The following WWC1 variants were observed in gnomAD, a reference collection of about 807,000 sequenced individuals.
WWC1 encodes protein KIBRA.
A neutral mutation model predicts 138.4 loss-of-function variants in WWC1; 55 were observed. That is an observed-to-expected ratio of 0.40 (90% confidence interval 0.32 to 0.50). The LOEUF (loss-of-function observed/expected upper bound fraction) is 0.50, where lower values mean the gene tolerates loss of function less well. Among genes scored for constraint, WWC1 ranks in the 20% least tolerant of loss-of-function variants. The pLI is 0.72. For missense variants in WWC1, 1,226 were observed against 1,420.4 expected (o/e 0.86, Z 2.20); for synonymous variants, 524 against 564.9 (o/e 0.93, Z 1.03).
At chr5:168,355,305 C>G (rs1775309193) in intron 1 of WWC1, among the ~76,000 whole-genome samples, 1 of 151,888 alleles carries the variant, frequency 6.6e-6, no homozygotes, top group Non-Finnish European at 1.5e-5. Flanking sequence ...ACCAGCAGAG[C>G]CAACATGTTG....
chr5:168,403,345 C>T (rs1303717657), intron 5 of WWC1, among the ~76,000 whole-genome samples: 1 of 152,092 alleles, frequency 6.6e-6, no homozygotes, highest in Non-Finnish European at 1.5e-5. Flanking sequence ...GATCTGCCCA[C>T]CTGGGCCTCC....
chr5:168,450,601 G>C (rs2152881281), intron 17 of WWC1, among the ~76,000 whole-genome samples: 1 of 152,268 alleles, frequency 6.6e-6, no homozygotes. Context: ...GGGAGGCAGA[G>C]GTTGCAGTGA....
chr5:168,405,881 C>G (rs183415630), intron 5 of WWC1, among the ~76,000 whole-genome samples: 1 of 152,224 alleles, frequency 6.6e-6, no homozygotes, highest in East Asian at 1.9e-4. Context: ...CTTGTGCCAC[C>G]ATGCCCAGCT....
At chr5:168,347,670 A>G (rs1774588510) in intron 1 of WWC1, among the ~76,000 whole-genome samples, 1 of 152,166 alleles carries the variant, frequency 6.6e-6, no homozygotes. Context: ...GAAGAAGGTG[A>G]AGAGCAATCT....
At chr5:168,350,864 G>T (rs181605905) in intron 1 of WWC1, among the ~76,000 whole-genome samples, 1 of 152,180 alleles carries the variant, frequency 6.6e-6, no homozygotes, top group Non-Finnish European at 1.5e-5. Flanking sequence ...CCCAGCTAGA[G>T]GCTGGGCGCG....
intron 4 of WWC1, among the ~76,000 whole-genome samples, chr5:168,398,183 G>A (rs949907746): frequency 2.6e-5 from 4 of 152,018 alleles, no homozygotes; most frequent in South Asian, 2.1e-4. Flanking sequence ...CGCTCACTGC[G>A]TGCTCTGCCT....
intron 17 of WWC1, among the ~76,000 whole-genome samples, chr5:168,453,638 C>T (rs965685337): frequency 3.3e-5 from 5 of 152,080 alleles, no homozygotes; most frequent in African/African-American, 1.2e-4. Context: ...CTCCACCTCC[C>T]GGGTTCAAGC....
intron 1 of WWC1, among the ~76,000 whole-genome samples, chr5:168,360,283 T>C (rs536883365): frequency 3.9e-5 from 6 of 152,328 alleles, no homozygotes; most frequent in African/African-American, 1.4e-4. Context: ...TGTGCATCTT[T>C]TGGTGAAATA....
At chr5:168,310,323 A>G (rs1196530755) in intron 1 of WWC1, among the ~76,000 whole-genome samples, 2 of 151,572 alleles carry the variant, frequency 1.3e-5, no homozygotes, top group Non-Finnish European at 2.9e-5. Context: ...TGCGTTGACC[A>G]TTTACCTTAT....
At position 168,454,357 on chromosome 5, in the gene WWC1, G is replaced by C. The variant is rs564274835; in HGVS notation, c.2658+257G>C. ...CTCAAGCCTTGCAGTCAGACGGTTTGGGTTTGAATTCTGGCTCTGATACTC... is the reference window on the plus strand; with the variant it reads ...CTCAAGCCTTGCAGTCAGACGGTTTCGGTTTGAATTCTGGCTCTGATACTC... On this transcript the variant is annotated intron_variant, in intron 18 of 22. Coordinates refer to ENST00000265293, the MANE Select transcript of WWC1 (RefSeq NM_015238.3). Among the ~76,000 whole-genome samples, 3 of 152,298 alleles carry C rather than the reference G, an allele frequency of 2.0e-5. No homozygotes were observed. In the East Asian group the frequency reaches 5.8e-4, roughly 29 times the overall value.
At chr5:168,389,450 CA>C (rs71310058) in intron 3 of WWC1, among the ~76,000 whole-genome samples, 150 of 95,002 alleles carry the variant, frequency 1.6e-3, no homozygotes, top group Admixed American at 2.0e-3. Flanking sequence ...GACTCCATCT[CA>C]AAAAAAAAAA....
In WWC1 at chr5:168,423,677, G is replaced by A. The variant is rs750858851; in HGVS notation, c.1419G>A (p.Leu473=). The part of the protein sequence containing the change: ...TDLYYDPFEQ[L]DSELQSKVEF... ...TCTACTATGACCCCTTTGAGCAGCT[G>A]GACTCAGAGCTGCAGAGCAAGGTGG... Residue 473 remains leucine (L), a synonymous_variant, in exon 11 of 23, where the codon CTG becomes CTA. Transcript: ENST00000265293. The A allele has an allele frequency of 1.7e-5, 27 of 1,614,176 alleles. No individual in the cohort carries two copies. The highest frequency in any genetic ancestry group is 2.3e-5 in the Non-Finnish European group (27 of 1,180,036).
chr5:168,394,530 A>T (rs1407006001), intron 3 of WWC1, among the ~76,000 whole-genome samples: 1 of 152,118 alleles, frequency 6.6e-6, no homozygotes, highest in Non-Finnish European at 1.5e-5. Flanking sequence ...GTTTGAGACC[A>T]GCCTGGTCAA....
At chr5:168,339,252 C>G (rs1379487586) in intron 1 of WWC1, among the ~76,000 whole-genome samples, 1 of 152,056 alleles carries the variant, frequency 6.6e-6, no homozygotes, top group Non-Finnish European at 1.5e-5. Flanking sequence ...CAGCTGGGCT[C>G]CTGGTAGAAA....
At chr5:168,399,684 T>C in intron 5 of WWC1, 117 bp downstream of exon 5, 1 of 1,007,666 alleles carries the variant, frequency 9.9e-7, no homozygotes, top group Non-Finnish European at 1.5e-6. Context: ...TGTGGCTCTC[T>C]CATCATTCAA....
chr5:168,410,634 C>A (rs1292680015), intron 8 of WWC1, among the ~76,000 whole-genome samples: 1 of 152,196 alleles, frequency 6.6e-6, no homozygotes, highest in African/African-American at 2.4e-5. Flanking sequence ...GAACTCCTGG[C>A]CTTAATTGAT....
chr5:168,468,860 GAC>G (rs1757522842), intron 22 of WWC1, 89 bp from the exon 23 acceptor site: 6 of 1,393,746 alleles, frequency 4.3e-6, no homozygotes, highest in Non-Finnish European at 6.1e-6. Flanking sequence ...GAATGTATAG[GAC>G]AGCTCCCACG....
intron 1 of WWC1, among the ~76,000 whole-genome samples, chr5:168,311,443 C>T (rs1202886894): frequency 1.3e-5 from 2 of 152,196 alleles, no homozygotes. Flanking sequence ...TATACCTACC[C>T]ACCTATGTCA....
chr5:168,389,547 G>A lies in WWC1; in HGVS notation c.433+4133G>A, dbSNP rs190109420. ...CAACCTGGGTGTTCTCTAGGGGACC[G>A]TACTCCCTCTTTAAGTCTCAGAATC... On this transcript the variant is annotated intron_variant, in intron 3 of 22. Transcript: ENST00000265293. Among the ~76,000 whole-genome samples the A allele has an allele frequency of 4.9e-3, 738 of 149,098 alleles. 2 individuals carry two copies. The highest frequency in any genetic ancestry group is 7.5e-3 in the Admixed American group (112 of 14,898).
Sources: allele counts gnomAD v4.1 joint callset (sites outside exome capture counted in the v4.1 genomes callset), GRCh38; gene constraint gnomAD v4.1.1; transcripts MANE v1.5; gene names NCBI Gene and HGNC (gene_info 2026-07-23, HGNC 2026-07-21).